The following RBFOX1 variants were observed in gnomAD, a reference collection of about 807,000 sequenced individuals.
RBFOX1 encodes RNA binding protein fox-1 homolog 1.
RBFOX1 carries 8 observed loss-of-function variants against 57.7 expected under a neutral mutation model. The ratio of observed to expected loss-of-function variants is 0.14; its 90% CI spans 0.08 to 0.25. The LOEUF is 0.25. RBFOX1 is among the 10% of genes least tolerant of loss of function. The pLI is 1.00. For missense variants in RBFOX1, 611 were observed against 548.5 expected (o/e 1.11, Z -1.14); for synonymous variants, 326 against 222.4 (o/e 1.47, Z -4.15).
chr16:6,521,005 G>T (rs563645742), intron 2 of RBFOX1, among the ~76,000 whole-genome samples: 10 of 152,216 alleles, frequency 6.6e-5, no homozygotes, highest in Non-Finnish European at 1.5e-4. Context: ...TTTCCGAAGG[G>T]TAATTTGTCA....
intron 3 of RBFOX1, among the ~76,000 whole-genome samples, chr16:5,613,803 GGTT>G (rs988749228): frequency 2.6e-5 from 4 of 151,466 alleles, no homozygotes; most frequent in African/African-American, 9.7e-5. Flanking sequence ...AGGTAGATGG[GGTT>G]TTTTTTTTTC....
intron 4 of RBFOX1, among the ~76,000 whole-genome samples, chr16:7,239,453 C>T (rs894558076): frequency 2.0e-5 from 3 of 152,126 alleles, no homozygotes; most frequent in South Asian, 2.1e-4. Context: ...GAGCCTAGAT[C>T]GTGCCACTGC....
intron 2 of RBFOX1, among the ~76,000 whole-genome samples, chr16:6,389,048 C>A (rs149165952): frequency 9.9e-5 from 15 of 152,282 alleles, no homozygotes; most frequent in African/African-American, 3.1e-4. Flanking sequence ...TAGTAAATTC[C>A]CTTTTTTTAG....
chr16:6,715,563 G>A (rs561937508), intron 3 of RBFOX1, among the ~76,000 whole-genome samples: 38 of 152,150 alleles, frequency 2.5e-4, no homozygotes, highest in Non-Finnish European at 5.3e-4. Context: ...GAAAACTCCC[G>A]AAGAGTCTTA....
chr16:7,323,387 G>T lies in RBFOX1; in HGVS notation c.28-194760G>T, dbSNP rs1461205320. On this transcript the variant is annotated intron_variant, in intron 4 of 15. Coordinates refer to ENST00000550418, the MANE Select transcript of RBFOX1 (RefSeq NM_018723.4). ...TGCAGTGAGCTATGATCATGCCACT[G>T]CCTTCCAGCCTGGGTGACAGAGTGA... Among the ~76,000 whole-genome samples, 3 of 152,190 alleles carry T rather than the reference G, an allele frequency of 2.0e-5. No individual in the cohort carries two copies. The East Asian group carries it at 5.8e-4, about 29-fold the overall frequency.
chr16:6,650,422 T>C (rs1222819858), intron 2 of RBFOX1, among the ~76,000 whole-genome samples: 1 of 152,238 alleles, frequency 6.6e-6, no homozygotes, highest in Non-Finnish European at 1.5e-5. Context: ...AAGCACCTGA[T>C]GAGGGATCAC....
intron 3 of RBFOX1, among the ~76,000 whole-genome samples, chr16:6,726,681 G>C (rs561423712): frequency 6.6e-6 from 1 of 152,210 alleles, no homozygotes; most frequent in East Asian, 1.9e-4. Context: ...ATCAGCGTCT[G>C]GACTGGACCC....
At chr16:5,300,392 C>T (rs1267401912) in intron 1 of RBFOX1, among the ~76,000 whole-genome samples, 1 of 152,060 alleles carries the variant, frequency 6.6e-6, no homozygotes, top group Non-Finnish European at 1.5e-5. Flanking sequence ...GGGATAAAGA[C>T]TACACATGGG....
intron 3 of RBFOX1, among the ~76,000 whole-genome samples, chr16:6,944,736 C>T (rs971394533): frequency 6.6e-6 from 1 of 152,290 alleles, no homozygotes; most frequent in Middle Eastern, 3.4e-3. Context: ...CCTTGACATA[C>T]ATGGATAAAG....
At chr16:6,836,900 A>C (rs912919806) in intron 3 of RBFOX1, among the ~76,000 whole-genome samples, 6 of 152,172 alleles carry the variant, frequency 3.9e-5, no homozygotes, top group African/African-American at 1.4e-4. Flanking sequence ...TCATTGAATC[A>C]GCGTTGCCAA....
At chr16:7,385,885 T>C (rs1299163125) in intron 4 of RBFOX1, among the ~76,000 whole-genome samples, 1 of 152,044 alleles carries the variant, frequency 6.6e-6, no homozygotes, top group African/African-American at 2.4e-5. Context: ...TCTGAGTAGG[T>C]GGGATTACAG....
chr16:6,507,903 A>G (rs1310238876), intron 2 of RBFOX1, among the ~76,000 whole-genome samples: 2 of 152,198 alleles, frequency 1.3e-5, no homozygotes, highest in Non-Finnish European at 2.9e-5. Flanking sequence ...GATGTATTGT[A>G]CAAAATACAC....
chr16:7,177,358 C>T (rs2081884242), intron 4 of RBFOX1, among the ~76,000 whole-genome samples: 1 of 151,968 alleles, frequency 6.6e-6, no homozygotes, highest in Non-Finnish European at 1.5e-5. Flanking sequence ...GTAGAGTTTC[C>T]AACACAGAGG....
At chr16:7,106,757 A>T (rs995562283) in intron 4 of RBFOX1, among the ~76,000 whole-genome samples, 33 of 152,122 alleles carry the variant, frequency 2.2e-4, no homozygotes, top group African/African-American at 7.5e-4. Flanking sequence ...GAAGCACAAA[A>T]TTTTTAAGGA....
At chr16:6,911,379 A>G (rs2153432837) in intron 3 of RBFOX1, among the ~76,000 whole-genome samples, 1 of 152,186 alleles carries the variant, frequency 6.6e-6, no homozygotes, top group South Asian at 2.1e-4. Context: ...GTTTCTTCTA[A>G]GGGCTGGGAG....
chr16:6,638,361 C>T (rs1469458249), intron 2 of RBFOX1, among the ~76,000 whole-genome samples: 1 of 152,024 alleles, frequency 6.6e-6, no homozygotes, highest in African/African-American at 2.4e-5. Context: ...CATACATGTT[C>T]ATTTTTTCTT....
chr16:6,540,927 C>T (rs926588204), intron 2 of RBFOX1, among the ~76,000 whole-genome samples: 4 of 152,096 alleles, frequency 2.6e-5, no homozygotes, highest in Admixed American at 2.6e-4. Flanking sequence ...GAGTTGAGGT[C>T]TGGGATTATC....
At chr16:5,689,258 G>A (rs750138920) in intron 3 of RBFOX1, among the ~76,000 whole-genome samples, 13 of 152,176 alleles carry the variant, frequency 8.5e-5, no homozygotes, top group Non-Finnish European at 1.8e-4. Context: ...GAGGCTTTGA[G>A]CAAATCATTT....
At chr16:5,836,759 G>C (rs148905313) in intron 3 of RBFOX1, among the ~76,000 whole-genome samples, 1 of 152,124 alleles carries the variant, frequency 6.6e-6, no homozygotes, top group Non-Finnish European at 1.5e-5. Flanking sequence ...CCCTCCTCAC[G>C]CCCAGTTGTG....
Sources: gnomAD v4.1 joint callset for allele counts (sites outside exome capture counted in the v4.1 genomes callset) on GRCh38, gnomAD v4.1.1 for gene constraint, MANE v1.5 for transcripts, NCBI Gene and HGNC (gene_info 2026-07-23, HGNC 2026-07-21) for gene names.